The following ASXL2 variants were observed in gnomAD, a reference collection of about 807,000 sequenced individuals.
The protein encoded by ASXL2 is ASXL transcriptional regulator 2.
ASXL2 carries 23 observed loss-of-function variants against 122.0 expected under a neutral mutation model. The observed-to-expected ratio is 0.19, with a 90% CI of 0.14 to 0.27. ASXL2 has a LOEUF of 0.27. Ranked by LOEUF, ASXL2 falls within the 10% of genes least tolerant of loss-of-function variation. The pLI, the probability that ASXL2 is intolerant of heterozygous loss-of-function variation, is 1.00. For synonymous variants in ASXL2, 650 were observed against 637.0 expected (o/e 1.02, Z -0.31); for missense variants, 1,518 against 1,713.8 (o/e 0.89, Z 2.02).
At chr2:25,773,615 G>A (rs1293541150) in intron 5 of ASXL2, among the ~76,000 whole-genome samples, 7 of 149,020 alleles carry the variant, frequency 4.7e-5, no homozygotes, top group South Asian at 2.1e-4. Context: ...GCAGTGAGCC[G>A]AGATTACGCC....
At chr2:25,830,613 AAG>A (rs1185011588) in intron 3 of ASXL2, among the ~76,000 whole-genome samples, 1 of 150,032 alleles carries the variant, frequency 6.7e-6, no homozygotes, top group Non-Finnish European at 1.5e-5. Context: ...GCGACGGAGC[AAG>A]ACTCTGCCTC....
At chr2:25,771,375 T>C in intron 6 of ASXL2, 65 bp downstream of exon 6, 2 of 1,445,948 alleles carry the variant, frequency 1.4e-6, no homozygotes, top group Non-Finnish European at 9.5e-7. Context: ...ATCCGATGAC[T>C]GCCAGAGGTG....
At chr2:25,866,623 C>T (rs1487535698) in intron 1 of ASXL2, among the ~76,000 whole-genome samples, 1 of 152,200 alleles carries the variant, frequency 6.6e-6, no homozygotes, top group Non-Finnish European at 1.5e-5. Flanking sequence ...TCTTGTCCCC[C>T]ACATCTGTTC....
At chr2:25,776,758 CA>C (rs1313323579) in intron 5 of ASXL2, among the ~76,000 whole-genome samples, 2 of 152,120 alleles carry the variant, frequency 1.3e-5, no homozygotes, top group Non-Finnish European at 2.9e-5. Context: ...GCAGAAATCT[CA>C]AGACTATACA....
chr2:25,747,570 G>A (rs921226452), intron 12 of ASXL2, among the ~76,000 whole-genome samples: 32 of 152,138 alleles, frequency 2.1e-4, no homozygotes, highest in African/African-American at 7.5e-4. Flanking sequence ...AAGTTTCTGT[G>A]TAATCCCTTT....
intron 1 of ASXL2, among the ~76,000 whole-genome samples, chr2:25,864,669 T>C (rs184454685): frequency 1.3e-5 from 2 of 148,376 alleles, no homozygotes; most frequent in Non-Finnish European, 3.0e-5. Flanking sequence ...TAGTACTATT[T>C]AAAAAAAAAA....
intron 3 of ASXL2, among the ~76,000 whole-genome samples, chr2:25,807,356 T>C (rs1574426423): frequency 6.6e-6 from 1 of 152,220 alleles, no homozygotes; most frequent in Non-Finnish European, 1.5e-5. Context: ...ATGAGTCCAC[T>C]GTCTCTTGGT....
intron 12 of ASXL2, among the ~76,000 whole-genome samples, chr2:25,748,213 T>C (rs924801777): frequency 1.3e-5 from 2 of 149,988 alleles, no homozygotes; most frequent in African/African-American, 2.5e-5. Context: ...AAAAAAGTAA[T>C]AGGAAGTACA....
intron 1 of ASXL2, among the ~76,000 whole-genome samples, chr2:25,877,939 A>C (rs1574460239): frequency 6.6e-6 from 1 of 152,150 alleles, no homozygotes; most frequent in African/African-American, 2.4e-5. Flanking sequence ...CACTGAGAGG[A>C]CTCGCCGCAG....
intron 1 of ASXL2, among the ~76,000 whole-genome samples, chr2:25,871,365 G>T (rs2089960832): frequency 6.6e-6 from 1 of 152,172 alleles, no homozygotes; most frequent in Admixed American, 6.6e-5. Flanking sequence ...TGGGGAAGCA[G>T]AAAGGACTTT....
chr2:25,854,503 A>G (rs1007777590), intron 1 of ASXL2, among the ~76,000 whole-genome samples: 1 of 152,240 alleles, frequency 6.6e-6, no homozygotes, highest in Non-Finnish European at 1.5e-5. Flanking sequence ...ACTTGTCATC[A>G]GCAGAATCCA....
At chr2:25,877,970 C>T (rs2090023803) in intron 1 of ASXL2, among the ~76,000 whole-genome samples, 196 bp downstream of exon 1, 1 of 152,224 alleles carries the variant, frequency 6.6e-6, no homozygotes, top group Non-Finnish European at 1.5e-5. Flanking sequence ...ACGCCACGGC[C>T]CCGCGGCTAT....
chr2:25,832,694 C>A (rs951071658), intron 3 of ASXL2, among the ~76,000 whole-genome samples: 5 of 152,106 alleles, frequency 3.3e-5, no homozygotes, highest in Non-Finnish European at 5.9e-5. Context: ...TACATTTATC[C>A]CAGAGAATGG....
In ASXL2 at chr2:25,741,933, A is replaced by G. The variant is rs1327257876; in HGVS notation, c.*96T>C. 3 of 1,203,548 alleles carry G rather than the reference A, an allele frequency of 2.5e-6. No individual in the cohort carries two copies. The East Asian group carries it at 7.1e-5, about 28-fold the overall frequency. 74.6% of individuals were successfully genotyped at this position (1,203,548 alleles called of 1,614,324 possible). ...TTGTCTCTGAAGACAACTGAAACCT[A>G]CTTGTTTATTTCTGTGATTCCAAAA... On this transcript the variant is annotated 3_prime_UTR_variant, in exon 13 of 13. Transcript: ENST00000435504.
chr2:25,797,670 AATT>A (rs1574421655), intron 5 of ASXL2, among the ~76,000 whole-genome samples: 1 of 152,236 alleles, frequency 6.6e-6, no homozygotes, highest in Non-Finnish European at 1.5e-5. Flanking sequence ...GGGAAATGCA[AATT>A]AAAACAACGA....
chr2:25,760,731 C>A (rs561946496), intron 8 of ASXL2, among the ~76,000 whole-genome samples: 1 of 152,318 alleles, frequency 6.6e-6, no homozygotes, highest in East Asian at 1.9e-4. Flanking sequence ...TCTGGCATTA[C>A]TACTTCAGAA....
intron 1 of ASXL2, among the ~76,000 whole-genome samples, chr2:25,855,877 T>C (rs909445284): frequency 6.8e-5 from 10 of 147,850 alleles, no homozygotes; most frequent in Non-Finnish European, 1.5e-4. Context: ...ACAATCTTGA[T>C]AATGCATTTA....
chr2:25,773,904 C>T (rs909180547), intron 5 of ASXL2, among the ~76,000 whole-genome samples: 7 of 151,778 alleles, frequency 4.6e-5, no homozygotes. Context: ...GTGGCAGACA[C>T]CTGTAGTCAC....
chr2:25,750,514 C>G, intron 11 of ASXL2, 101 bp from the exon 12 acceptor site: 3 of 1,016,002 alleles, frequency 3.0e-6, no homozygotes, highest in Non-Finnish European at 4.3e-6. Context: ...CTAGGAGAAC[C>G]CCTGACACAG....
Sources: allele counts gnomAD v4.1 joint callset (sites outside exome capture counted in the v4.1 genomes callset), GRCh38; gene constraint gnomAD v4.1.1; transcripts MANE v1.5; gene names NCBI Gene and HGNC (gene_info 2026-07-23, HGNC 2026-07-21).